Variants in ADAMTSL1 observed in about 807,000 individuals in gnomAD.
ADAMTSL1 encodes ADAMTS-like protein 1.
In ADAMTSL1, 126 loss-of-function variants were observed where a neutral mutation model predicts 201.8. The ratio of observed to expected loss-of-function variants is 0.62; its 90% CI spans 0.54 to 0.72. The LOEUF (loss-of-function observed/expected upper bound fraction) is 0.72, where lower values mean the gene tolerates loss of function less well. Ranked by LOEUF, ADAMTSL1 falls within the 30% of genes least tolerant of loss-of-function variation. ADAMTSL1 has a pLI of 0.00. For missense variants in ADAMTSL1, 2,679 were observed against 2,277.8 expected (o/e 1.18, Z -3.59); for synonymous variants, 1,121 against 903.4 (o/e 1.24, Z -4.32).
intron 1 of ADAMTSL1, among the ~76,000 whole-genome samples, chr9:18,124,157 A>C (rs1489881096): frequency 7.7e-6 from 1 of 130,596 alleles, no homozygotes; most frequent in Non-Finnish European, 1.5e-5. Context: ...GTCTCAGCTC[A>C]CTGCAACCTC....
At chr9:18,227,605 AC>A (rs1830478265) in intron 2 of ADAMTSL1, among the ~76,000 whole-genome samples, 1 of 152,220 alleles carries the variant, frequency 6.6e-6, no homozygotes, top group African/African-American at 2.4e-5. Context: ...AATTGGCAGC[AC>A]ATATGCCTGT....
At chr9:18,163,720 T>G (rs1827507559) in intron 1 of ADAMTSL1, 1 of 152,020 alleles carries the variant, frequency 6.6e-6, no homozygotes, top group Non-Finnish European at 1.5e-5. Flanking sequence ...GGTTCTCGCA[T>G]TAATATGTAT....
chr9:18,658,431 T>G (rs973059051), intron 8 of ADAMTSL1, among the ~76,000 whole-genome samples: 8 of 152,166 alleles, frequency 5.3e-5, no homozygotes, highest in Non-Finnish European at 8.8e-5. Flanking sequence ...AGCAATCAAT[T>G]AAAGAGTGTT....
At chr9:18,494,099 G>A (rs1262201396) in intron 1 of ADAMTSL1, among the ~76,000 whole-genome samples, 1 of 152,166 alleles carries the variant, frequency 6.6e-6, no homozygotes, top group East Asian at 1.9e-4. Flanking sequence ...GCTCACGCCT[G>A]TAATCCCAGC....
rs937538605 is a variant in ADAMTSL1 at position 18,645,281 on chromosome 9, G to C, written c.834+5870G>C. Reference sequence around the variant, plus strand: ...TTGTTTGAGTTCATTGTAGATTCTGGATATTAGCCCTTTGTCAGATGAGTA... The same window carrying C: ...TTGTTTGAGTTCATTGTAGATTCTGCATATTAGCCCTTTGTCAGATGAGTA... On this transcript the variant is annotated intron_variant, in intron 7 of 28. Coordinates refer to ENST00000380548, the MANE Select transcript of ADAMTSL1 (RefSeq NM_001040272.6). Among the ~76,000 whole-genome samples, 3 of 152,160 alleles carry C rather than the reference G, an allele frequency of 2.0e-5. No individual in the cohort carries two copies. The South Asian group carries it at 6.2e-4, about 32-fold the overall frequency.
chr9:18,698,537 C>T lies in ADAMTSL1; in HGVS notation c.1575-8210C>T, dbSNP rs548849207. Among the ~76,000 whole-genome samples, 22 of 152,054 alleles carry T rather than the reference C, an allele frequency of 1.4e-4. No homozygotes were observed. In the East Asian group the frequency reaches 1.9e-3, roughly 13 times the overall value. On this transcript the variant is annotated intron_variant, in intron 13 of 28. Transcript: ENST00000380548. ...CCGACCTCAAGTGATCTGCCAGCCT[C>T]GGCCTCCCAAAGTACTGGAATTACA... is the stretch of plus-strand genomic sequence containing the variant.
chr9:18,682,799 A>G (rs1000907604), intron 12 of ADAMTSL1, among the ~76,000 whole-genome samples: 1 of 152,180 alleles, frequency 6.6e-6, no homozygotes, highest in African/African-American at 2.4e-5. Flanking sequence ...CCCTAATTGC[A>G]ACTGAATGGC....
At chr9:18,256,654 G>T (rs1373496691) in intron 2 of ADAMTSL1, among the ~76,000 whole-genome samples, 1 of 152,196 alleles carries the variant, frequency 6.6e-6, no homozygotes, top group Non-Finnish European at 1.5e-5. Flanking sequence ...GGACAGAGAG[G>T]CTTAAGAGCT....
intron 3 of ADAMTSL1, among the ~76,000 whole-genome samples, chr9:18,537,763 A>G (rs1819864297): frequency 6.6e-6 from 1 of 152,022 alleles, no homozygotes; most frequent in Non-Finnish European, 1.5e-5. Flanking sequence ...TGTCCCAGCT[A>G]CTAGAGAGGC....
intron 1 of ADAMTSL1, among the ~76,000 whole-genome samples, chr9:18,115,169 G>A (rs1342487972): frequency 6.6e-6 from 1 of 152,110 alleles, no homozygotes; most frequent in African/African-American, 2.4e-5. Flanking sequence ...AGACAATCCT[G>A]TATTTGCAGT....
chr9:18,391,820 CTTTCTTTTTTT>C (rs1043005934), intron 2 of ADAMTSL1, among the ~76,000 whole-genome samples: 4 of 97,924 alleles, frequency 4.1e-5, no homozygotes, highest in African/African-American at 1.2e-4. Flanking sequence ...TCTTTCTTTT[CTTTCTTTTTTT>C]TTTTTTTTTT....
intron 2 of ADAMTSL1, among the ~76,000 whole-genome samples, chr9:18,417,717 G>A (rs990522299): frequency 6.6e-6 from 1 of 152,084 alleles, no homozygotes; most frequent in Non-Finnish European, 1.5e-5. Context: ...TATTTTAAAA[G>A]TTGAATTTGT....
chr9:18,296,516 TATATTAA>T (rs1318100194), intron 2 of ADAMTSL1, among the ~76,000 whole-genome samples: 4 of 152,162 alleles, frequency 2.6e-5, no homozygotes, highest in African/African-American at 9.6e-5. Flanking sequence ...ATTATATATC[TATATTAA>T]ATATGGATGC....
chr9:18,098,091 A>G (rs1433611334), intron 1 of ADAMTSL1, among the ~76,000 whole-genome samples: 1 of 152,076 alleles, frequency 6.6e-6, no homozygotes, highest in Non-Finnish European at 1.5e-5. Context: ...ACGTGATCCA[A>G]TCTCCCATTG....
At chr9:18,132,211 A>C (rs1047723097) in intron 1 of ADAMTSL1, among the ~76,000 whole-genome samples, 1 of 152,162 alleles carries the variant, frequency 6.6e-6, no homozygotes, top group African/African-American at 2.4e-5. Flanking sequence ...GCCTGAGTCC[A>C]CATGGTTTTC....
At chr9:18,828,658 A>AT (rs766423543) in intron 22 of ADAMTSL1, among the ~76,000 whole-genome samples, 3,248 of 53,194 alleles carry the variant, frequency 0.061, 441 homozygotes, top group South Asian at 0.12. Context: ...TTGAAAGTAT[A>AT]TTTATATATA....
At chr9:18,843,626 G>A (rs921471992) in intron 23 of ADAMTSL1, among the ~76,000 whole-genome samples, 2 of 150,746 alleles carry the variant, frequency 1.3e-5, no homozygotes, top group African/African-American at 5.0e-5. Flanking sequence ...ATCCTGCAGA[G>A]TGTTTTCCAA....
At chr9:18,735,748 C>CTTTTCTTTTT (rs762386875) in intron 15 of ADAMTSL1, among the ~76,000 whole-genome samples, 2 of 106,684 alleles carry the variant, frequency 1.9e-5, no homozygotes, top group South Asian at 3.1e-4. Flanking sequence ...ATTCTTTTTT[C>CTTTTCTTTTT]TTTTTTTTTT....
chr9:18,702,158 G>A (rs112400941), intron 13 of ADAMTSL1, among the ~76,000 whole-genome samples: 1,694 of 152,144 alleles, frequency 0.011, 29 homozygotes, highest in African/African-American at 0.037. Context: ...GGAAAGACCC[G>A]CCCCCATGAT....
Sources: gnomAD v4.1 joint callset for allele counts (sites outside exome capture counted in the v4.1 genomes callset) on GRCh38, gnomAD v4.1.1 for gene constraint, MANE v1.5 for transcripts, NCBI Gene and HGNC (gene_info 2026-07-23, HGNC 2026-07-21) for gene names.